HDAC9: variants seen among roughly 807,000 people sequenced by gnomAD.
HDAC9 encodes the protein histone deacetylase 9, also known as MEF-2 interacting transcription repressor (MITR) protein.
In HDAC9, 41 loss-of-function variants were observed where a neutral mutation model predicts 139.4. The ratio of observed to expected loss-of-function variants is 0.29; its 90% CI spans 0.23 to 0.38. The LOEUF is 0.38. Ranked by LOEUF, HDAC9 falls within the 10% of genes least tolerant of loss-of-function variation. The pLI, the probability that HDAC9 is intolerant of heterozygous loss-of-function variation, is 1.00. For missense variants in HDAC9, 1,147 were observed against 1,297.0 expected (o/e 0.88, Z 1.78); for synonymous variants, 517 against 476.2 (o/e 1.09, Z -1.12).
chr7:18,197,199 A>G (rs773028392), intron 2 of HDAC9, among the ~76,000 whole-genome samples: 94 of 152,154 alleles, frequency 6.2e-4, no homozygotes, highest in Non-Finnish European at 1.1e-3. Flanking sequence ...GACTTGCCAG[A>G]CCCCTTAATC....
intron 1 of HDAC9, among the ~76,000 whole-genome samples, chr7:18,482,996 G>A (rs1471650741): frequency 6.6e-6 from 1 of 152,208 alleles, no homozygotes; most frequent in Non-Finnish European, 1.5e-5. Flanking sequence ...CTGCTCTGAA[G>A]TGTGACTTTT....
intron 12 of HDAC9, among the ~76,000 whole-genome samples, chr7:18,693,715 A>C (rs1293920157): frequency 6.6e-6 from 1 of 152,174 alleles, no homozygotes; most frequent in African/African-American, 2.4e-5. Context: ...TGTACTCCGG[A>C]AGTGACCCAG....
At chr7:18,462,578 G>T (rs981528526) in intron 1 of HDAC9, among the ~76,000 whole-genome samples, 10 of 151,832 alleles carry the variant, frequency 6.6e-5, no homozygotes, top group African/African-American at 2.4e-4. Flanking sequence ...ATTTCTATCA[G>T]TGTTTTTGTT....
intron 17 of HDAC9, among the ~76,000 whole-genome samples, chr7:18,813,050 C>G (rs1468377641): frequency 1.3e-5 from 2 of 152,064 alleles, no homozygotes; most frequent in Non-Finnish European, 2.9e-5. Context: ...TTATATTCAT[C>G]TTTTCCTGTA....
chr7:18,134,793 C>T (rs946955920), intron 1 of HDAC9, among the ~76,000 whole-genome samples: 1 of 151,982 alleles, frequency 6.6e-6, no homozygotes, highest in South Asian at 2.1e-4. Flanking sequence ...TCTTTTCATC[C>T]AGGAAAAAGA....
intron 1 of HDAC9, among the ~76,000 whole-genome samples, chr7:18,443,871 TACATTTGTATA>T (rs1435886255): frequency 2.0e-5 from 3 of 151,776 alleles, no homozygotes; most frequent in African/African-American, 4.8e-5. Flanking sequence ...TAAACATATA[TACATTTGTATA>T]ACATTTGTAT....
At chr7:18,307,739 G>A (rs1001069770) in intron 1 of HDAC9, among the ~76,000 whole-genome samples, 1 of 152,116 alleles carries the variant, frequency 6.6e-6, no homozygotes, top group Non-Finnish European at 1.5e-5. Flanking sequence ...GGAGGCAGAG[G>A]TTGCAGTGAG....
intron 1 of HDAC9, among the ~76,000 whole-genome samples, chr7:18,332,361 ATGTG>A (rs33993916): frequency 0.098 from 13,198 of 134,440 alleles, 717 homozygotes; most frequent in East Asian, 0.23. Context: ...GCATGCGCAC[ATGTG>A]TGTGTGTGTG....
chr7:18,684,505 A>T (rs1782122696), intron 12 of HDAC9, among the ~76,000 whole-genome samples: 1 of 151,828 alleles, frequency 6.6e-6, no homozygotes. Flanking sequence ...ATAAAACTAT[A>T]CTGAAAAGGC....
chr7:18,445,349 A>G (rs1054054129), intron 1 of HDAC9, among the ~76,000 whole-genome samples: 2 of 152,114 alleles, frequency 1.3e-5, no homozygotes, highest in Non-Finnish European at 2.9e-5. Context: ...TTTTTCAATG[A>G]GTTGAATAAT....
At chr7:18,936,895 CATT>C (rs1330946890) in intron 23 of HDAC9, among the ~76,000 whole-genome samples, 2 of 151,968 alleles carry the variant, frequency 1.3e-5, no homozygotes, top group Non-Finnish European at 2.9e-5. Flanking sequence ...CTATTGTCAT[CATT>C]ATTTTACAAA....
chr7:18,899,137 A>G (rs553825557), intron 22 of HDAC9, among the ~76,000 whole-genome samples: 10 of 152,134 alleles, frequency 6.6e-5, no homozygotes, highest in Admixed American at 3.3e-4. Flanking sequence ...TATATTTGCT[A>G]TGGTTTGGCT....
intron 1 of HDAC9, among the ~76,000 whole-genome samples, chr7:18,374,446 A>G (rs993296367): frequency 3.3e-5 from 5 of 152,180 alleles, no homozygotes; most frequent in Admixed American, 1.3e-4. Flanking sequence ...CACCTAGGCT[A>G]TATGGTATAG....
At chr7:18,268,552 A>C (rs910889078) in intron 2 of HDAC9, among the ~76,000 whole-genome samples, 5 of 152,190 alleles carry the variant, frequency 3.3e-5, no homozygotes, top group Non-Finnish European at 5.9e-5. Flanking sequence ...TCAATTTTCA[A>C]ATGTGGTTGA....
chr7:18,309,998 T>G (rs1205400996), intron 1 of HDAC9, among the ~76,000 whole-genome samples: 4 of 152,092 alleles, frequency 2.6e-5, no homozygotes, highest in African/African-American at 4.8e-5. Context: ...AAATGCAAAT[T>G]CTAGGCTTTC....
chr7:18,149,210 C>A (rs866846128), intron 1 of HDAC9, among the ~76,000 whole-genome samples: 89 of 151,958 alleles, frequency 5.9e-4, no homozygotes, highest in African/African-American at 2.1e-3. Flanking sequence ...TTATTGCCTG[C>A]TTCTGTCCTT....
intron 21 of HDAC9, among the ~76,000 whole-genome samples, chr7:18,842,111 G>C (rs1796622676): frequency 6.6e-6 from 1 of 151,938 alleles, no homozygotes; most frequent in South Asian, 2.1e-4. Flanking sequence ...CAAATGATTT[G>C]GGATCTTAAT....
chr7:18,127,188 A>C (rs1300214230), intron 1 of HDAC9: 1 of 168,392 alleles, frequency 5.9e-6, no homozygotes, highest in African/African-American at 2.4e-5. Flanking sequence ...AAAAAAATAT[A>C]GGACACCTAG....
chr7:18,559,263 C>T lies in HDAC9; in HGVS notation c.23-26018C>T, dbSNP rs142422056. Among the ~76,000 whole-genome samples, 515 of 152,258 alleles carry T rather than the reference C, an allele frequency of 3.4e-3. 1 individual carries two copies. Among genetic ancestry groups the T allele is most frequent in the South Asian group, 0.011 (51 of 4,822 alleles). On this transcript the variant is annotated intron_variant, in intron 2 of 25. Coordinates refer to ENST00000686413, the MANE Select transcript of HDAC9 (RefSeq NM_178425.4). ...GTCTTGTTCTCCCTCTCTCCCGGCC[C>T]AGATCTGACCCACACAATACATACA...
Sources: gnomAD v4.1 joint callset for allele counts (sites outside exome capture counted in the v4.1 genomes callset) on GRCh38, gnomAD v4.1.1 for gene constraint, MANE v1.5 for transcripts, NCBI Gene and HGNC (gene_info 2026-07-23, HGNC 2026-07-21) for gene names.